RAB3GAP1: variants seen among roughly 807,000 people sequenced by gnomAD.
RAB3GAP1 encodes RAB3 GTPase activating protein catalytic subunit 1.
RAB3GAP1 carries 86 observed loss-of-function variants against 130.7 expected under a neutral mutation model. That is an observed-to-expected ratio of 0.66 (90% CI 0.55 to 0.79). RAB3GAP1 has a LOEUF of 0.79. Among genes scored for constraint, RAB3GAP1 ranks in the 30% least tolerant of loss-of-function variants. RAB3GAP1 has a pLI of 0.00. For missense variants in RAB3GAP1, 1,029 were observed against 1,169.4 expected (o/e 0.88, Z 1.75); for synonymous variants, 367 against 401.7 (o/e 0.91, Z 1.03).
chr2:135,096,045 A>T (rs1416813916), intron 5 of RAB3GAP1, among the ~76,000 whole-genome samples: 1 of 152,194 alleles, frequency 6.6e-6, no homozygotes, highest in African/African-American at 2.4e-5. Flanking sequence ...GGGGTCTTGG[A>T]ACTTACCTTC....
At chr2:135,113,993 G>T (rs868494885) in intron 6 of RAB3GAP1, among the ~76,000 whole-genome samples, 1 of 152,082 alleles carries the variant, frequency 6.6e-6, no homozygotes, top group Non-Finnish European at 1.5e-5. Flanking sequence ...CAGATGATCC[G>T]CCCGCCGCGG....
intron 5 of RAB3GAP1, among the ~76,000 whole-genome samples, 191 bp downstream of exon 5, chr2:135,093,884 A>G (rs958320495): frequency 6.6e-6 from 1 of 152,218 alleles, no homozygotes; most frequent in African/African-American, 2.4e-5. Flanking sequence ...GTCCAGAGGA[A>G]GTACAAGCTT....
intron 19 of RAB3GAP1, among the ~76,000 whole-genome samples, chr2:135,154,406 C>CT (rs1459476848): frequency 6.6e-6 from 1 of 152,110 alleles, no homozygotes; most frequent in Admixed American, 6.6e-5. Flanking sequence ...GCACACCTTC[C>CT]TACCTCCTCC....
chr2:135,075,481 TA>T (rs1689605736), intron 3 of RAB3GAP1, among the ~76,000 whole-genome samples: 1 of 152,196 alleles, frequency 6.6e-6, no homozygotes, highest in African/African-American at 2.4e-5. Flanking sequence ...AGATAGAACA[TA>T]AACATCTATT....
In RAB3GAP1 at chr2:135,091,071, CTCA is replaced by C. The variant is rs765986574; in HGVS notation, c.229_231del (p.His77del). ...TTTGCTGACTTCAAGTTCTCAGTCA[CTCA>C]TCATTATCTTGTACAAGAGTCCACT... is the stretch of plus-strand genomic sequence containing the variant. On this transcript the variant is annotated inframe_deletion, in exon 4 of 24. Coordinates refer to ENST00000264158, the MANE Select transcript of RAB3GAP1 (RefSeq NM_012233.3). 2.5e-6 allele frequency: 4 copies of C among 1,606,114 alleles called. No individual in the cohort carries two copies. Among genetic ancestry groups the C allele is most frequent in the African/African-American group, 2.7e-5 (2 of 74,684 alleles).
rs528962220 is a variant in RAB3GAP1, at chr2:135,169,945, A to G, written c.*1164A>G. On this transcript the variant is annotated 3_prime_UTR_variant, in exon 24 of 24. Transcript: ENST00000264158. ...TTGCCTGTGTAATTTTAAAAAATTA[A>G]TAGAGCTGTGCAAACCCTGTTATTT... The G allele has an allele frequency of 2.8e-5, 9 of 319,562 alleles. No homozygotes were observed. The highest frequency in any genetic ancestry group is 2.4e-4 in the South Asian group (9 of 37,120). The allele number at this position is 319,562 out of a possible 1,614,324, so 19.8% of individuals were successfully genotyped here.
chr2:135,137,388 T>A (rs2104954711), intron 17 of RAB3GAP1: 1 of 173,286 alleles, frequency 5.8e-6, no homozygotes. Context: ...GTTGAAGAAG[T>A]TAGATCCCAA....
chr2:135,104,881 T>TC (rs1216213803), intron 5 of RAB3GAP1, among the ~76,000 whole-genome samples: 1 of 151,932 alleles, frequency 6.6e-6, no homozygotes. Flanking sequence ...AGAGCGAAAC[T>TC]CCATCTCAAA....
intron 23 of RAB3GAP1, among the ~76,000 whole-genome samples, chr2:135,165,812 G>A (rs564693817): frequency 5.9e-5 from 9 of 152,232 alleles, no homozygotes; most frequent in East Asian, 1.9e-4. Flanking sequence ...GCTTACAAGC[G>A]CATTTCCTTG....
intron 18 of RAB3GAP1, among the ~76,000 whole-genome samples, chr2:135,151,657 A>G (rs563096375): frequency 2.0e-4 from 30 of 152,354 alleles, no homozygotes; most frequent in African/African-American, 5.5e-4. Flanking sequence ...GTTGCTTTAA[A>G]ACAAATAGTT....
chr2:135,080,490 A>T (rs1217854976), intron 3 of RAB3GAP1, among the ~76,000 whole-genome samples: 2 of 152,236 alleles, frequency 1.3e-5, no homozygotes, highest in East Asian at 3.8e-4. Context: ...TTGACTGCTA[A>T]GGTAGGCCCA....
intron 5 of RAB3GAP1, among the ~76,000 whole-genome samples, chr2:135,102,270 A>G (rs915771985): frequency 2.0e-5 from 3 of 152,308 alleles, no homozygotes; most frequent in African/African-American, 7.2e-5. Context: ...GAAGAGGGCC[A>G]TGAGCCAAGT....
At chr2:135,093,038 A>T (rs1574102040) in intron 4 of RAB3GAP1, among the ~76,000 whole-genome samples, 1 of 152,370 alleles carries the variant, frequency 6.6e-6, no homozygotes, top group South Asian at 2.1e-4. Context: ...AAGCAATGAT[A>T]GCTATACAAC....
intron 19 of RAB3GAP1, 107 bp from the exon 20 acceptor site, chr2:135,162,448 T>C: frequency 1.2e-6 from 1 of 842,448 alleles, no homozygotes; most frequent in Non-Finnish European, 2.0e-6. Flanking sequence ...TGGAGTGCTG[T>C]CTTGTTAAGG....
rs937322978 is a variant in RAB3GAP1, at chr2:135,168,921, A to G, written c.*140A>G. The G allele has an allele frequency of 3.8e-6, 3 of 781,482 alleles. No individual in the cohort carries two copies. The highest frequency in any genetic ancestry group is 3.7e-5 in the Admixed American group (2 of 53,912). 48.4% of individuals were successfully genotyped at this position (781,482 alleles called of 1,614,324 possible). Reference sequence around the variant, plus strand: ...ATCAGGAATCAAACCAGCATCGGAAAGACTTCCCAGCACCAAGCTTGAGCT... The same window carrying G: ...ATCAGGAATCAAACCAGCATCGGAAGGACTTCCCAGCACCAAGCTTGAGCT... On this transcript the variant is annotated 3_prime_UTR_variant, in exon 24 of 24. Coordinates refer to ENST00000264158, the MANE Select transcript of RAB3GAP1 (RefSeq NM_012233.3).
chr2:135,123,454 A>G (rs1399320069), intron 8 of RAB3GAP1, among the ~76,000 whole-genome samples: 2 of 152,220 alleles, frequency 1.3e-5, no homozygotes, highest in African/African-American at 4.8e-5. Flanking sequence ...TTTAGCAAAT[A>G]TGGGAAGTTT....
chr2:135,148,668 C>CTTT lies in RAB3GAP1; in HGVS notation c.1924-1681_1924-1679dup, dbSNP rs60407802. Among the ~76,000 whole-genome samples the CTTT allele has an allele frequency of 3.6e-3, 402 of 113,104 alleles. 4 individuals are homozygous for CTTT. Among genetic ancestry groups the CTTT allele is most frequent in the African/African-American group, 0.013 (379 of 29,660 alleles). The allele number at this position is 113,104 out of a possible 152,430, so 74.2% of individuals were successfully genotyped here. A position where few individuals can be genotyped will look rare whatever the true frequency, so the allele number is the denominator to read the frequency against. On this transcript the variant is annotated intron_variant, in intron 17 of 23. Transcript: ENST00000264158. ...CACCATGCTTGGCTAATTTTTGTAT[C>CTTT]TTTTTTTTTTTTTTTTTTTTTTAAG...
At position 135,169,509 on chromosome 2, in the gene RAB3GAP1, T is replaced by A. The variant is rs1692780501; in HGVS notation, c.*728T>A. ...ATTTTTCTTTTGGTTGCCATGGAAG[T>A]TATGGCCCTGAAAATCGTCTCCCTC... On this transcript the variant is annotated 3_prime_UTR_variant, in exon 24 of 24. Coordinates refer to ENST00000264158, the MANE Select transcript of RAB3GAP1 (RefSeq NM_012233.3). 5.4e-6 allele frequency: 1 copy of A among 184,034 alleles called. No homozygotes were observed. The highest frequency in any genetic ancestry group is 5.8e-5 in the Admixed American group (1 of 17,288). The allele number at this position is 184,034 out of a possible 1,614,324, so 11.4% of individuals were successfully genotyped here.
rs1196057510 is a variant in RAB3GAP1 at position 135,136,714 on chromosome 2, C to T, written c.1923+782C>T. On this transcript the variant is annotated intron_variant, in intron 17 of 23. Transcript: ENST00000264158. ...AAATCCTCTTTTGCAACCCAGAACT[C>T]ATTGTTCAGTATGAGTTTTGATACA... 8 of 1,290,138 alleles carry T rather than the reference C, an allele frequency of 6.2e-6. No homozygotes were observed. In the South Asian group the frequency reaches 9.8e-5, roughly 16 times the overall value. The allele number at this position is 1,290,138 out of a possible 1,614,324, so 79.9% of individuals were successfully genotyped here. A position where few individuals can be genotyped will look rare whatever the true frequency, so the allele number is the denominator to read the frequency against.
Sources: allele counts gnomAD v4.1 joint callset (sites outside exome capture counted in the v4.1 genomes callset), GRCh38; gene constraint gnomAD v4.1.1; transcripts MANE v1.5; gene names NCBI Gene and HGNC (gene_info 2026-07-23, HGNC 2026-07-21).